Variants in PXN observed in about 807,000 individuals in gnomAD.
PXN encodes paxillin.
Under a neutral mutation model 103.6 loss-of-function variants are expected in PXN, and 61 were observed. The observed-to-expected ratio is 0.59, with a 90% CI of 0.48 to 0.73. PXN has a LOEUF of 0.73. Ranked by LOEUF, PXN falls within the 30% of genes least tolerant of loss-of-function variation. The probability of loss-of-function intolerance (pLI) is 0.00; values close to 1 mark genes in which losing one functional copy is unlikely to be tolerated. For missense variants in PXN, 1,274 were observed against 1,460.3 expected (o/e 0.87, Z 2.08); for synonymous variants, 562 against 607.8 (o/e 0.92, Z 1.11).
At chr12:120,239,981 T>C (rs1889865103) in intron 1 of PXN, among the ~76,000 whole-genome samples, 1 of 151,582 alleles carries the variant, frequency 6.6e-6, no homozygotes, top group African/African-American at 2.4e-5. Flanking sequence ...GCCTGGCCTC[T>C]GCAGGTAAGT....
chr12:120,221,120 A>G lies in PXN; in HGVS notation c.831+503T>C, dbSNP rs1289225860. Among the ~76,000 whole-genome samples, 1 of 152,046 alleles carries G rather than the reference A, an allele frequency of 6.6e-6. No individual in the cohort carries two copies. Among genetic ancestry groups the G allele is most frequent in the Non-Finnish European group, 1.5e-5 (1 of 68,006 alleles). ...GGAGGGCGAGAGGGAAGGATGGGAG[A>G]AGAGTAGCAAGGGAGGCTTGTGGAT... On this transcript the variant is annotated intron_variant, in intron 6 of 14. Transcript: ENST00000637617. The surrounding 1 kb of genome is among the most constrained non-coding windows in gnomAD (Gnocchi z 6.6).
chr12:120,211,448 A>T lies in PXN; in HGVS notation c.*866T>A, dbSNP rs1880138555. Reference sequence around the variant, plus strand: ...CCACCCCAACCCTCAGTACAAAGCAAACTTCACACCAGAGCCACCATCAGT... The same window carrying T: ...CCACCCCAACCCTCAGTACAAAGCATACTTCACACCAGAGCCACCATCAGT... On this transcript the variant is annotated 3_prime_UTR_variant, in exon 15 of 15. Transcript: ENST00000637617. 6.1e-6 allele frequency: 1 copy of T among 163,886 alleles called. No homozygotes were observed. The highest frequency in any genetic ancestry group is 1.3e-5 in the Non-Finnish European group (1 of 74,074). 10.2% of individuals were successfully genotyped at this position (163,886 alleles called of 1,614,324 possible).
rs1880589653 is a variant in PXN at position 120,212,634 on chromosome 12, CCT to C, written c.2980-56_2980-55del. ...GCTGCCCCTCGGGCTAGAGCTGCAC[CCT>C]GTGTGATGGGGCCGAGGTGGGCATA... On this transcript the variant is annotated intron_variant, in intron 14 of 14. Coordinates refer to ENST00000637617, the MANE Select transcript of PXN (RefSeq NM_001385981.1). This position sits in a 1 kb window ranked among gnomAD's most constrained non-coding sequence, Gnocchi z 7.2. 1.9e-6 allele frequency: 3 copies of C among 1,572,896 alleles called. No individual in the cohort carries two copies. Among genetic ancestry groups the C allele is most frequent in the South Asian group, 1.2e-5 (1 of 86,342 alleles).
intron 1 of PXN, among the ~76,000 whole-genome samples, chr12:120,246,287 G>A (rs1290975689): frequency 6.6e-6 from 1 of 152,118 alleles, no homozygotes; most frequent in Admixed American, 6.5e-5. Flanking sequence ...AGCACTTTGG[G>A]AGGCTGAGGT....
chr12:120,215,570 T>G lies in PXN; in HGVS notation c.2393A>C (p.Asp798Ala), dbSNP rs1882565747. The change falls in exon 10 of 15, where the codon GAC becomes GCC. Residue 798 changes from aspartate to alanine, a missense_variant. This residue lies in a region of PXN where 1,178 missense variants were observed against 1,309.0 expected (regional missense o/e 0.90). Transcript: ENST00000637617. This position sits in a 1 kb window ranked among gnomAD's most constrained non-coding sequence, Gnocchi z 4.9. ...AGCCTTGGCACTGACCCCTCCCTCG[T>G]CCTGCCCTCCGGGGCTGCTCCGCCC... ...DGGRSSPGGQ[D>A]EGGFMAQGKT... 1.9e-6 allele frequency: 3 copies of G among 1,597,402 alleles called. No homozygotes were observed. Among genetic ancestry groups the G allele is most frequent in the Non-Finnish European group, 2.6e-6 (3 of 1,173,280 alleles).
intron 1 of PXN, among the ~76,000 whole-genome samples, chr12:120,243,774 T>C (rs1890562386): frequency 6.6e-6 from 1 of 152,168 alleles, no homozygotes; most frequent in African/African-American, 2.4e-5. Flanking sequence ...TACAAAGGGT[T>C]TGAGGCTCCA....
chr12:120,220,064 C>A lies in PXN; in HGVS notation c.859G>T (p.Ala287Ser). ...KTSSSTVALS[A>S]PGLSSSAPSS... is the part of the protein sequence containing the mutation. ...GGAGCAGAGCTGGACAGCCCCGGGG[C>A]ACTCAGAGCCACAGTGGAGGAGCTG... The change falls in exon 7 of 15, where the codon GCC becomes TCC. Residue 287 changes from alanine to serine, a missense_variant. Ala to Ser is a moderately conservative substitution (Grantham distance 99). Transcript: ENST00000637617. The surrounding 1 kb of genome is among the most constrained non-coding windows in gnomAD (Gnocchi z 6.1). 1 of 1,362,274 alleles carries A rather than the reference C, an allele frequency of 7.3e-7. No homozygotes were observed. Among genetic ancestry groups the A allele is most frequent in the East Asian group, 2.3e-5 (1 of 43,000 alleles). 84.4% of individuals were successfully genotyped at this position (1,362,274 alleles called of 1,614,324 possible). A position where few individuals can be genotyped will look rare whatever the true frequency, so the allele number is the denominator to read the frequency against.
rs1883026790 is a variant in PXN, at chr12:120,216,435, CA to C, written c.2138del (p.Leu713ArgfsTer38). 8.0e-6 allele frequency: 11 copies of C among 1,378,324 alleles called. No homozygotes were observed. Among genetic ancestry groups the C allele is most frequent in the Non-Finnish European group, 1.0e-5 (11 of 1,075,324 alleles). 85.4% of individuals were successfully genotyped at this position (1,378,324 alleles called of 1,614,324 possible). A position where few individuals can be genotyped will look rare whatever the true frequency, so the allele number is the denominator to read the frequency against. On this transcript the variant is annotated frameshift_variant, in exon 9 of 15. Coordinates refer to ENST00000637617, the MANE Select transcript of PXN (RefSeq NM_001385981.1). LOFTEE classifies it high-confidence loss of function. This position sits in a 1 kb window ranked among gnomAD's most constrained non-coding sequence, Gnocchi z 5.1. ...PLPSLLASSP[L>X]GPSAYTCGSS... Reference sequence around the variant, plus strand: ...AACCACAGGTATAAGCTGAGGGCCCCAGGGGGGAGGAGGCGAGCAGGCTGGG... The same window carrying C: ...AACCACAGGTATAAGCTGAGGGCCCCGGGGGGAGGAGGCGAGCAGGCTGGG...
intron 1 of PXN, among the ~76,000 whole-genome samples, chr12:120,233,073 T>G (rs1240836267): frequency 6.6e-6 from 1 of 152,202 alleles, no homozygotes; most frequent in African/African-American, 2.4e-5. Context: ...AGCCAACCAC[T>G]TGGACTAGCA....
At position 120,210,685 on chromosome 12, in the gene PXN, G is replaced by A. The variant is rs149828972; in HGVS notation, c.*1629C>T. On this transcript the variant is annotated 3_prime_UTR_variant, in exon 15 of 15. Transcript: ENST00000637617. The stretch of plus-strand genomic sequence containing the variant: ...GACATCAGACCTTTGGAGGGGCTGG[G>A]CTGACCTTCCCCCAAAAAGGAGGGA... 465 of 152,936 alleles carry A rather than the reference G, an allele frequency of 3.0e-3. 3 individuals carry two copies. Among genetic ancestry groups the A allele is most frequent in the South Asian group, 0.018 (85 of 4,820 alleles). 9.5% of individuals were successfully genotyped at this position (152,936 alleles called of 1,614,324 possible).
chr12:120,234,059 C>T (rs1180729812), intron 1 of PXN, among the ~76,000 whole-genome samples: 1 of 151,808 alleles, frequency 6.6e-6, no homozygotes, highest in African/African-American at 2.4e-5. Flanking sequence ...AACAAGGCTA[C>T]ATTATGGAGT....
At position 120,215,681 on chromosome 12, in the gene PXN, G is replaced by C. The variant is rs770724722; in HGVS notation, c.2302-20C>G. On this transcript the variant is annotated intron_variant, in intron 9 of 14. Transcript: ENST00000637617. The surrounding 1 kb of genome is among the most constrained non-coding windows in gnomAD (Gnocchi z 4.9). ...CTGGATCTTAGATAGGGGAAGAGAT[G>C]AGGGTAAGAAATCTTTTTTAAAAAT... is the stretch of plus-strand genomic sequence containing the variant. The C allele has an allele frequency of 6.3e-7, 1 of 1,586,472 alleles. No individual in the cohort carries two copies.
In PXN at chr12:120,265,702, C is replaced by G; in HGVS notation, c.-73G>C. On this transcript the variant is annotated 5_prime_UTR_variant, in exon 1 of 15. Coordinates refer to ENST00000637617, the MANE Select transcript of PXN (RefSeq NM_001385981.1). This position sits in a 1 kb window ranked among gnomAD's most constrained non-coding sequence, Gnocchi z 5.7. ...GGGGCCGCTCGTCTATGCCCCGCAA[C>G]TTTTCCGCCGCGAGCCTCGGCCCGG... 2 of 1,280,930 alleles carry G rather than the reference C, an allele frequency of 1.6e-6. No individual in the cohort carries two copies. The highest frequency in any genetic ancestry group is 9.9e-7 in the Non-Finnish European group (1 of 1,007,944). The allele number at this position is 1,280,930 out of a possible 1,614,324, so 79.3% of individuals were successfully genotyped here.
Position 120,221,687 on chromosome 12 carries a change from C to G in PXN, c.767G>C (p.Arg256Pro). 1 of 1,567,760 alleles carries G rather than the reference C, an allele frequency of 6.4e-7. No homozygotes were observed. Among genetic ancestry groups the G allele is most frequent in the East Asian group, 2.4e-5 (1 of 42,166 alleles). Residue 256 changes from arginine (R) to proline (P), a missense_variant, in exon 6 of 15, where the codon CGC becomes CCC. Physicochemically the swap from Arg to Pro is moderately radical, Grantham distance 103. Coordinates refer to ENST00000637617, the MANE Select transcript of PXN (RefSeq NM_001385981.1). The surrounding 1 kb of genome is among the most constrained non-coding windows in gnomAD (Gnocchi z 6.6). ...CCTGGTGGCAGAGGAGGCCGAGATG[C>G]GTGTCTGCTGTTGGGTGGAGGTGAC... ...QRVTSTQQQT[R>P]ISASSATREL...
intron 1 of PXN, among the ~76,000 whole-genome samples, chr12:120,246,388 A>G (rs1485400941): frequency 6.6e-6 from 1 of 151,720 alleles, no homozygotes; most frequent in East Asian, 1.9e-4. Context: ...TTAGCTGGGC[A>G]TGGTAGCGCA....
In PXN at chr12:120,216,339, A is replaced by G; in HGVS notation, c.2235T>C (p.Pro745=). The G allele has an allele frequency of 7.8e-7, 1 of 1,289,652 alleles. No homozygotes were observed. The highest frequency in any genetic ancestry group is 3.9e-5 in the Admixed American group (1 of 25,702). 79.9% of individuals were successfully genotyped at this position (1,289,652 alleles called of 1,614,324 possible). A position where few individuals can be genotyped will look rare whatever the true frequency, so the allele number is the denominator to read the frequency against. The part of the protein sequence containing the change: ...EGVQGPALPI[P]APHTMRSVGC... The stretch of plus-strand genomic sequence containing the variant: ...CCACGGACCTCATGGTGTGGGGTGC[A>G]GGAATGGGAAGGGCAGGGCCCTGCA... The change falls in exon 9 of 15, where the codon CCT becomes CCC. Residue 745 remains proline (P), a synonymous_variant. Transcript: ENST00000637617. This position sits in a 1 kb window ranked among gnomAD's most constrained non-coding sequence, Gnocchi z 5.1.
At chr12:120,226,038 G>T in intron 1 of PXN, 1 of 1,081,724 alleles carries the variant, frequency 9.2e-7, no homozygotes, top group Non-Finnish European at 1.1e-6. Context: ...CATGGAGGAG[G>T]CCTGGCTTCC....
chr12:120,256,835 A>T (rs1394534576), intron 1 of PXN, among the ~76,000 whole-genome samples: 1 of 152,114 alleles, frequency 6.6e-6, no homozygotes, highest in African/African-American at 2.4e-5. Flanking sequence ...CTCCTGCCTC[A>T]GCCTCCCGAG....
Position 120,213,334 on chromosome 12 carries a change from C to T in PXN, c.2979+508G>A, listed in dbSNP as rs939197321. Among the ~76,000 whole-genome samples the T allele has an allele frequency of 3.3e-5, 5 of 152,122 alleles. No individual in the cohort carries two copies. Among genetic ancestry groups the T allele is most frequent in the South Asian group, 2.1e-4 (1 of 4,832 alleles). ...GGCAGAGGTTGCAGTCAGCCAAGAT[C>T]GTGCCACTGCACACCAGTCTGGGCA... On this transcript the variant is annotated intron_variant, in intron 14 of 14. Coordinates refer to ENST00000637617, the MANE Select transcript of PXN (RefSeq NM_001385981.1). This position sits in a 1 kb window ranked among gnomAD's most constrained non-coding sequence, Gnocchi z 4.2.
Sources: gnomAD v4.1 joint callset for allele counts (sites outside exome capture counted in the v4.1 genomes callset) on GRCh38, gnomAD v4.1.1 for gene constraint, gnomAD v4.1.1 regional missense constraint, Gnocchi (gnomAD v3.1) non-coding constraint, MANE v1.5 for transcripts, NCBI Gene and HGNC (gene_info 2026-07-23, HGNC 2026-07-21) for gene names.